ZBTB20: variants seen among roughly 807,000 people sequenced by gnomAD.
ZBTB20 encodes the protein zinc finger and BTB domain-containing protein 20.
ZBTB20 carries 9 observed loss-of-function variants against 56.9 expected under a neutral mutation model. The ratio of observed to expected loss-of-function variants is 0.16; its 90% CI spans 0.10 to 0.28. The LOEUF (loss-of-function observed/expected upper bound fraction) is 0.28. Ranked by LOEUF, ZBTB20 falls within the 10% of genes least tolerant of loss-of-function variation. The pLI, the probability that ZBTB20 is intolerant of heterozygous loss-of-function variation, is 1.00. For synonymous variants in ZBTB20, 417 were observed against 420.7 expected (o/e 0.99, Z 0.11); for missense variants, 655 against 1,003.0 (o/e 0.65, Z 4.69).
At chr3:114,804,970 T>A (rs1054861008) in intron 4 of ZBTB20, among the ~76,000 whole-genome samples, 2 of 151,910 alleles carry the variant, frequency 1.3e-5, no homozygotes, top group South Asian at 4.1e-4. Context: ...TGAATCAGGA[T>A]CTAAATAAGA....
At chr3:114,987,536 C>T (rs565792728) in intron 2 of ZBTB20, among the ~76,000 whole-genome samples, 1 of 152,314 alleles carries the variant, frequency 6.6e-6, no homozygotes, top group East Asian at 1.9e-4. Flanking sequence ...GAAGTGCTCA[C>T]ATTTCACTTG....
chr3:114,726,454 T>C (rs1388707934), intron 5 of ZBTB20, among the ~76,000 whole-genome samples: 1 of 152,216 alleles, frequency 6.6e-6, no homozygotes, highest in African/African-American at 2.4e-5. Flanking sequence ...CAAATTTTAG[T>C]ATGCATCAGA....
intron 6 of ZBTB20, among the ~76,000 whole-genome samples, chr3:114,520,642 A>G (rs1038170296): frequency 2.0e-5 from 3 of 152,160 alleles, no homozygotes; most frequent in Non-Finnish European, 4.4e-5. Context: ...TCAGACTAAT[A>G]TGTCCATTGC....
intron 5 of ZBTB20, among the ~76,000 whole-genome samples, chr3:114,773,188 G>A (rs1172057359): frequency 6.6e-6 from 1 of 152,092 alleles, no homozygotes; most frequent in Non-Finnish European, 1.5e-5. Flanking sequence ...GAATCCAGCC[G>A]ACACCTTGAT....
intron 5 of ZBTB20, among the ~76,000 whole-genome samples, chr3:114,719,740 G>A (rs1202083901): frequency 1.3e-5 from 2 of 152,092 alleles, no homozygotes; most frequent in African/African-American, 4.8e-5. Flanking sequence ...ACTAAAAAAT[G>A]TCAAGAAAAT....
At chr3:114,784,348 G>C (rs1316691073) in intron 5 of ZBTB20, among the ~76,000 whole-genome samples, 1 of 152,106 alleles carries the variant, frequency 6.6e-6, no homozygotes, top group African/African-American at 2.4e-5. Flanking sequence ...AATAAACTGG[G>C]CAAGTAATGT....
chr3:114,600,594 T>C (rs1483157234), intron 6 of ZBTB20, among the ~76,000 whole-genome samples: 1 of 152,030 alleles, frequency 6.6e-6, no homozygotes, highest in East Asian at 1.9e-4. Context: ...TCTGGATGTT[T>C]GGTTACAGGT....
chr3:114,961,500 T>C (rs1199175751), intron 3 of ZBTB20, among the ~76,000 whole-genome samples: 3 of 152,104 alleles, frequency 2.0e-5, no homozygotes, highest in African/African-American at 7.2e-5. Flanking sequence ...TTTCACATGA[T>C]AAAACAAGAA....
At chr3:114,848,809 C>G (rs755580145) in intron 4 of ZBTB20, among the ~76,000 whole-genome samples, 9 of 152,244 alleles carry the variant, frequency 5.9e-5, no homozygotes, top group Non-Finnish European at 1.0e-4. Context: ...TTCTCCTTCG[C>G]CAGGGCTGCC....
At chr3:114,418,188 A>T (rs2088776028) in intron 7 of ZBTB20, among the ~76,000 whole-genome samples, 1 of 152,186 alleles carries the variant, frequency 6.6e-6, no homozygotes, top group East Asian at 1.9e-4. Flanking sequence ...TTAGCTGCAT[A>T]CCTCACAATT....
intron 5 of ZBTB20, among the ~76,000 whole-genome samples, chr3:114,780,358 G>T (rs72956226): frequency 0.015 from 2,307 of 152,308 alleles, 65 homozygotes; most frequent in African/African-American, 0.052. Context: ...GTAGAAAGTT[G>T]GAAGTGAAGA....
At chr3:114,758,481 G>T (rs1193456633) in intron 5 of ZBTB20, among the ~76,000 whole-genome samples, 2 of 152,038 alleles carry the variant, frequency 1.3e-5, no homozygotes, top group Admixed American at 6.6e-5. Context: ...TGAAAACAGT[G>T]TTTACTTTTA....
intron 10 of ZBTB20, among the ~76,000 whole-genome samples, chr3:114,379,564 G>A (rs1041384408): frequency 2.0e-5 from 3 of 152,298 alleles, no homozygotes; most frequent in Admixed American, 6.5e-5. Flanking sequence ...TTTCAATAGC[G>A]ACGATCTCAT....
chr3:114,715,638 T>C (rs576013249), intron 5 of ZBTB20, among the ~76,000 whole-genome samples: 2 of 152,298 alleles, frequency 1.3e-5, no homozygotes, highest in South Asian at 4.1e-4. Context: ...CTGAGAGATA[T>C]AGTAATGGTT....
intron 7 of ZBTB20, among the ~76,000 whole-genome samples, chr3:114,425,210 A>G (rs1413458692): frequency 6.6e-6 from 1 of 150,502 alleles, no homozygotes; most frequent in African/African-American, 2.5e-5. Context: ...ACTCTTGGCA[A>G]TGGATTTACA....
At chr3:114,637,367 ATTGT>A (rs940216212) in intron 6 of ZBTB20, among the ~76,000 whole-genome samples, 3 of 152,106 alleles carry the variant, frequency 2.0e-5, no homozygotes, top group Non-Finnish European at 2.9e-5. Flanking sequence ...GTTAAAGATT[ATTGT>A]TTGTGTATTA....
rs998700576 is a variant in ZBTB20, at chr3:114,350,687, G to T, written c.1391C>A (p.Thr464Lys). The change falls in exon 11 of 12, where the codon ACG becomes AAG. Residue 464 changes from threonine (T) to lysine (K), a missense_variant. Thr to Lys is a moderately conservative substitution (Grantham distance 78, BLOSUM62 -1). Coordinates refer to ENST00000675478, the MANE Select transcript of ZBTB20 (RefSeq NM_001348800.3). ...ACTTGGCAATGGCTGCCCGATGGACGTGTTGACCGAAGGCTGTTGTAGGAC... is the reference window on the plus strand; with the variant it reads ...ACTTGGCAATGGCTGCCCGATGGACTTGTTGACCGAAGGCTGTTGTAGGAC... ...KSVLQQPSVN[T>K]SIGQPLPSTQ... 3.1e-6 allele frequency: 5 copies of T among 1,614,210 alleles called. No homozygotes were observed. Among genetic ancestry groups the T allele is most frequent in the Non-Finnish European group, 4.2e-6 (5 of 1,180,038 alleles).
intron 7 of ZBTB20, among the ~76,000 whole-genome samples, chr3:114,500,145 TG>T (rs2043777901): frequency 6.6e-6 from 1 of 152,214 alleles, no homozygotes; most frequent in Admixed American, 6.5e-5. Flanking sequence ...GTACAGTATC[TG>T]GGCCACTGGT....
At chr3:114,789,368 A>T (rs1337476633) in intron 5 of ZBTB20, among the ~76,000 whole-genome samples, 1 of 152,208 alleles carries the variant, frequency 6.6e-6, no homozygotes, top group East Asian at 1.9e-4. Context: ...TGAATTGAAA[A>T]TTTTAAGATG....
Sources: allele counts gnomAD v4.1 joint callset (sites outside exome capture counted in the v4.1 genomes callset), GRCh38; gene constraint gnomAD v4.1.1; transcripts MANE v1.5; gene names NCBI Gene and HGNC (gene_info 2026-07-23, HGNC 2026-07-21).